The following BRME1 variants were observed in gnomAD, a reference collection of about 807,000 sequenced individuals.
The protein encoded by BRME1 is BRCA2 and MEILB2-associating protein 1.
BRME1 carries 31 observed loss-of-function variants against 52.6 expected under a neutral mutation model. The observed-to-expected ratio is 0.59, with a 90% CI of 0.44 to 0.80. The LOEUF is 0.80. BRME1 is among the 30% of genes least tolerant of loss of function. The pLI is 0.00. For missense variants in BRME1, 804 were observed against 860.3 expected, an observed-to-expected ratio of 0.93 and a Z score of 0.82; for synonymous variants, 359 against 353.6, an observed-to-expected ratio of 1.02 and a Z score of -0.17.
chr19:13,889,375 T>C lies in BRME1; in HGVS notation c.1481A>G (p.Gln494Arg). 1 of 1,614,092 alleles carries C rather than the reference T, an allele frequency of 6.2e-7. No individual in the cohort carries two copies. Among genetic ancestry groups the C allele is most frequent in the Non-Finnish European group, 8.5e-7 (1 of 1,180,016 alleles). Reference sequence around the variant, plus strand: ...AATGCCCTGCTGAGCCCCGGGCTCCTGGAGAGGGTCGTCTGCTATTTCTCT... The same window carrying C: ...AATGCCCTGCTGAGCCCCGGGCTCCCGGAGAGGGTCGTCTGCTATTTCTCT... ...EHREIADDPL[Q>R]EPGAQQGIPD... is the part of the protein sequence containing the mutation. Residue 494 changes from glutamine (Q) to arginine (R), a missense_variant, in exon 6 of 9, where the codon CAG becomes CGG. Gln to Arg is a conservative substitution (Grantham distance 43). Around this residue, in one of 3 missense-constraint regions of BRME1, gnomAD observed 552 missense variants for 561.1 expected, o/e 0.98. Transcript: ENST00000586783.
intron 5 of BRME1, among the ~76,000 whole-genome samples, chr19:13,891,135 T>TTTTTTTATTATTATTATTATTA (rs59151567): frequency 1.4e-5 from 2 of 146,634 alleles, no homozygotes; most frequent in African/African-American, 5.2e-5. Context: ...CAATTTCCTG[T>TTTTTTTATTATTATTATTATTA]TTATTATTAT....
chr19:13,896,585 G>T (rs563152679), intron 2 of BRME1, among the ~76,000 whole-genome samples: 198 of 145,886 alleles, frequency 1.4e-3, no homozygotes, highest in African/African-American at 4.8e-3. Flanking sequence ...TTCAGCCTCA[G>T]CCAAATATGT....
At position 13,886,070 on chromosome 19, in the gene BRME1, C is replaced by T. The variant is rs751514353; in HGVS notation, c.1669-15G>A. ...GAAGGAAAGAGCTGGAAAGAGAGCA[C>T]AAGGTGTGAGTGGTCGAGGCCTGGG... On this transcript the variant is annotated splice_polypyrimidine_tract_variant and intron_variant, in intron 6 of 8. Transcript: ENST00000586783. 1 of 1,612,862 alleles carries T rather than the reference C, an allele frequency of 6.2e-7. No individual in the cohort carries two copies. The highest frequency in any genetic ancestry group is 1.1e-5 in the South Asian group (1 of 91,030).
In BRME1 at chr19:13,882,582, G is replaced by C. The variant is rs556948566; in HGVS notation, c.*220C>G. On this transcript the variant is annotated 3_prime_UTR_variant, in exon 9 of 9. Coordinates refer to ENST00000586783, the MANE Select transcript of BRME1 (RefSeq NM_001345843.2). Reference sequence around the variant, plus strand: ...GCTTGAAGTCACTGGGGCTGTGGGAGACACAGTTTCCCTCCCTGAAGCCAA... The same window carrying C: ...GCTTGAAGTCACTGGGGCTGTGGGACACACAGTTTCCCTCCCTGAAGCCAA... The C allele has an allele frequency of 1.7e-6, 1 of 591,352 alleles. No homozygotes were observed. The highest frequency in any genetic ancestry group is 2.9e-6 in the Non-Finnish European group (1 of 341,550). 36.6% of individuals were successfully genotyped at this position (591,352 alleles called of 1,614,324 possible).
In BRME1 at chr19:13,895,509, T is replaced by C. The variant is rs1268456621; in HGVS notation, c.69A>G (p.Pro23=). 8 of 1,613,702 alleles carry C rather than the reference T, an allele frequency of 5.0e-6. No homozygotes were observed. In the East Asian group the frequency reaches 1.8e-4, roughly 36 times the overall value. Residue 23 remains proline, a synonymous_variant, in exon 3 of 9, where the codon CCA becomes CCG. Transcript: ENST00000586783. ...GLCPPKPLKN[P]RLGDFYGDPQ... ...GGTCCCCATAGAAGTCTCCTAGCCT[T>C]GGGTTCTTTAGGGGTTTTGGAGGAC... is the stretch of plus-strand genomic sequence containing the variant.
chr19:13,903,992 A>T (rs949741644), intron 2 of BRME1, among the ~76,000 whole-genome samples: 6 of 152,308 alleles, frequency 3.9e-5, no homozygotes, highest in African/African-American at 1.2e-4. Context: ...GCTGCCCTGA[A>T]GCCCGGGGAG....
At chr19:13,890,630 C>T (rs572336664) in intron 5 of BRME1, among the ~76,000 whole-genome samples, 168 bp from the exon 6 acceptor site, 2 of 152,188 alleles carry the variant, frequency 1.3e-5, no homozygotes, top group South Asian at 2.1e-4. Context: ...TTTGGGAGGC[C>T]GAGGTGGGCG....
intron 5 of BRME1, among the ~76,000 whole-genome samples, chr19:13,891,937 G>A (rs185289523): frequency 2.0e-5 from 3 of 152,148 alleles, no homozygotes; most frequent in Admixed American, 2.0e-4. Context: ...GCCAGGTGTG[G>A]TGGTGTGCAC....
chr19:13,882,884 AGCTTTGTCTTCCG>A lies in BRME1; in HGVS notation c.1912_1924del (p.Arg638TrpfsTer31), dbSNP rs767919800. On this transcript the variant is annotated frameshift_variant, in exon 9 of 9. Coordinates refer to ENST00000586783, the MANE Select transcript of BRME1 (RefSeq NM_001345843.2). LOFTEE classifies it low-confidence loss of function (END_TRUNC). ...GTAAGGCAGGGGGGCTTTGCCTCCCAGCTTTGTCTTCCGGTAGTTAAGGCGCTTGAAAGCTTCC... is the reference window on the plus strand; with the variant it reads ...GTAAGGCAGGGGGGCTTTGCCTCCCAGTAGTTAAGGCGCTTGAAAGCTTCC... 6.2e-7 allele frequency: 1 copy of A among 1,613,630 alleles called. No individual in the cohort carries two copies. The highest frequency in any genetic ancestry group is 8.5e-7 in the Non-Finnish European group (1 of 1,179,972).
intron 2 of BRME1, among the ~76,000 whole-genome samples, chr19:13,902,976 CCT>C (rs1970403876): frequency 6.6e-6 from 1 of 150,572 alleles, no homozygotes. Flanking sequence ...AGAGTCCTGT[CCT>C]GTTTTTCATG....
At chr19:13,891,576 C>T (rs1568381255) in intron 5 of BRME1, among the ~76,000 whole-genome samples, 2 of 152,170 alleles carry the variant, frequency 1.3e-5, no homozygotes, top group South Asian at 2.1e-4. Flanking sequence ...TCAGACGACC[C>T]TCCCACCTCA....
intron 6 of BRME1, among the ~76,000 whole-genome samples, chr19:13,887,449 C>A (rs926136310): frequency 1.1e-4 from 17 of 152,186 alleles, no homozygotes; most frequent in Admixed American, 2.6e-4. Context: ...TGTCTGGATC[C>A]CCCCAAGTCT....
In BRME1 at chr19:13,904,920, A is replaced by G; in HGVS notation, c.-21-7T>C. ...TATCTTCCCCTTGAGAAATCTGAAA[A>G]CAAGCAAAATCTCTCATCATTATAA... On this transcript the variant is annotated splice_region_variant and splice_polypyrimidine_tract_variant and intron_variant, in intron 1 of 8. Coordinates refer to ENST00000586783, the MANE Select transcript of BRME1 (RefSeq NM_001345843.2). 6.2e-7 allele frequency: 1 copy of G among 1,609,414 alleles called. No homozygotes were observed. The highest frequency in any genetic ancestry group is 8.5e-7 in the Non-Finnish European group (1 of 1,176,008).
At position 13,883,700 on chromosome 19, in the gene BRME1, C is replaced by T; in HGVS notation, c.1764-300G>A. ...CACTGGGGGCTGTGAACTTGGAAAC[C>T]TAGCTCAGAGGCAAGCCCTCTCCTC... On this transcript the variant is annotated intron_variant, in intron 7 of 8. Coordinates refer to ENST00000586783, the MANE Select transcript of BRME1 (RefSeq NM_001345843.2). This position sits in a 1 kb window ranked among gnomAD's most constrained non-coding sequence, Gnocchi z 4.2. The T allele has an allele frequency of 2.8e-6, 1 of 356,020 alleles. No homozygotes were observed. The highest frequency in any genetic ancestry group is 5.3e-6 in the Non-Finnish European group (1 of 189,542). The allele number at this position is 356,020 out of a possible 1,614,324, so 22.1% of individuals were successfully genotyped here.
chr19:13,906,045 G>A lies in BRME1; in HGVS notation c.-352C>T, dbSNP rs755412474. On this transcript the variant is annotated 5_prime_UTR_variant, in exon 1 of 9. Transcript: ENST00000586783. This position sits in a 1 kb window ranked among gnomAD's most constrained non-coding sequence, Gnocchi z 4.1. ...AGACGCTCTGAACCCCACAGATGTC[G>A]CCGCCCCTCACACCTGCGCGCGCTC... 5 of 167,364 alleles carry A rather than the reference G, an allele frequency of 3.0e-5. No homozygotes were observed. The East Asian group carries it at 4.7e-4, about 16-fold the overall frequency. The allele number at this position is 167,364 out of a possible 1,614,324, so 10.4% of individuals were successfully genotyped here.
intron 5 of BRME1, 55 bp downstream of exon 5, chr19:13,892,731 G>A: frequency 6.9e-7 from 1 of 1,455,502 alleles, no homozygotes; most frequent in Non-Finnish European, 9.6e-7. Flanking sequence ...TGCCGAGGCT[G>A]GGCCAGGAGG....
chr19:13,889,485 C>G lies in BRME1; in HGVS notation c.1371G>C (p.Glu457Asp). 1.9e-6 allele frequency: 3 copies of G among 1,613,926 alleles called. No homozygotes were observed. Among genetic ancestry groups the G allele is most frequent in the Non-Finnish European group, 2.5e-6 (3 of 1,180,028 alleles). The change falls in exon 6 of 9, where the codon GAG becomes GAC. Residue 457 changes from glutamate (E) to aspartate (D), a missense_variant. Physicochemically the swap from Glu to Asp is conservative, Grantham distance 45. Coordinates refer to ENST00000586783, the MANE Select transcript of BRME1 (RefSeq NM_001345843.2). ...NQKQEPGPAQEEAELGGQNLE... is the reference protein window; with the variant it reads ...NQKQEPGPAQDEAELGGQNLE... ...GGTTCTGGCCACCTAACTCGGCTTC[C>G]TCTTGAGCAGGACCTGGCTCCTGCT... is the stretch of plus-strand genomic sequence containing the variant.
Position 13,882,515 on chromosome 19 carries a change from G to C in BRME1, c.*287C>G. ...TAAAATTTGCAAATCCGGACAGGATGGGCCCTGCTCAGAGGTGGCCAGCTT... is the reference window on the plus strand; with the variant it reads ...TAAAATTTGCAAATCCGGACAGGATCGGCCCTGCTCAGAGGTGGCCAGCTT... On this transcript the variant is annotated 3_prime_UTR_variant, in exon 9 of 9. Coordinates refer to ENST00000586783, the MANE Select transcript of BRME1 (RefSeq NM_001345843.2). 3 of 502,512 alleles carry C rather than the reference G, an allele frequency of 6.0e-6. No individual in the cohort carries two copies. The highest frequency in any genetic ancestry group is 1.0e-5 in the Non-Finnish European group (3 of 286,964). The allele number at this position is 502,512 out of a possible 1,614,324, so 31.1% of individuals were successfully genotyped here.
At chr19:13,893,364 C>A in intron 3 of BRME1, 141 bp from the exon 4 acceptor site, 1 of 674,228 alleles carries the variant, frequency 1.5e-6, no homozygotes, top group Non-Finnish European at 2.6e-6. Flanking sequence ...ATGGTGAAAC[C>A]GTATCTCTAC....
Sources: allele counts gnomAD v4.1 joint callset (sites outside exome capture counted in the v4.1 genomes callset), GRCh38; gene constraint gnomAD v4.1.1; regional missense constraint gnomAD v4.1.1; non-coding constraint Gnocchi (gnomAD v3.1); transcripts MANE v1.5; gene names NCBI Gene and HGNC (gene_info 2026-07-23, HGNC 2026-07-21).